The following CFDP1 variants were observed in gnomAD, a reference collection of about 807,000 sequenced individuals.
CFDP1 encodes heterochromatin-stabilizing protein CFDP1.
Under a neutral mutation model 40.1 loss-of-function variants are expected in CFDP1, and 31 were observed. The ratio of observed to expected loss-of-function variants is 0.77; its 90% CI spans 0.58 to 1.04. The LOEUF (loss-of-function observed/expected upper bound fraction) is 1.04, where lower values mean the gene tolerates loss of function less well. CFDP1 is among the 50% of genes least tolerant of loss of function. CFDP1 has a pLI of 0.00. For missense variants in CFDP1, 423 were observed against 343.4 expected, an observed-to-expected ratio of 1.23 and a Z score of -1.83; for synonymous variants, 167 against 120.0, an observed-to-expected ratio of 1.39 and a Z score of -2.56.
intron 5 of CFDP1, among the ~76,000 whole-genome samples, chr16:75,317,940 A>ACC (rs145502505): frequency 6.6e-6 from 1 of 151,432 alleles, no homozygotes; most frequent in Non-Finnish European, 1.5e-5. Flanking sequence ...GTGAGACCCC[A>ACC]CCCCCCATCT....
chr16:75,358,328 T>C (rs78970274), intron 5 of CFDP1, among the ~76,000 whole-genome samples: 78 of 152,298 alleles, frequency 5.1e-4, no homozygotes, highest in African/African-American at 1.8e-3. Flanking sequence ...GAGGCATGCC[T>C]ACATATAGGA....
intron 5 of CFDP1, among the ~76,000 whole-genome samples, chr16:75,390,377 T>C (rs998304303): frequency 1.3e-5 from 2 of 152,248 alleles, no homozygotes; most frequent in Admixed American, 1.3e-4. Context: ...GAAAGAATTC[T>C]GTGCTAAGTC....
At chr16:75,431,721 G>A (rs1370770296) in intron 1 of CFDP1, among the ~76,000 whole-genome samples, 2 of 152,150 alleles carry the variant, frequency 1.3e-5, no homozygotes, top group South Asian at 2.1e-4. Context: ...GGGAGGCCCC[G>A]AAGGTGGAAG....
intron 5 of CFDP1, among the ~76,000 whole-genome samples, chr16:75,320,266 G>A (rs1005264319): frequency 6.6e-6 from 1 of 152,130 alleles, no homozygotes; most frequent in Non-Finnish European, 1.5e-5. Flanking sequence ...CCCCCTCGGA[G>A]CATGCGCTTT....
intron 5 of CFDP1, among the ~76,000 whole-genome samples, chr16:75,355,054 T>A (rs927780137): frequency 1.3e-5 from 2 of 152,226 alleles, no homozygotes; most frequent in African/African-American, 4.8e-5. Flanking sequence ...GTCTATTAAG[T>A]GTGTAATAGC....
chr16:75,383,998 G>A (rs570200892), intron 5 of CFDP1, among the ~76,000 whole-genome samples: 14 of 152,118 alleles, frequency 9.2e-5, no homozygotes, highest in African/African-American at 3.1e-4. Flanking sequence ...TATTCATTCC[G>A]TAACATTTGA....
chr16:75,301,536 CTTTTTTTTTTTT>C (rs546724752), intron 6 of CFDP1, among the ~76,000 whole-genome samples: 21 of 53,964 alleles, frequency 3.9e-4, no homozygotes, highest in East Asian at 7.8e-4. Context: ...TTTGTTGTGT[CTTTTTTTTTTTT>C]TTTTTTTTTT....
At chr16:75,431,454 CAAA>C (rs60902612) in intron 1 of CFDP1, among the ~76,000 whole-genome samples, 10 of 59,594 alleles carry the variant, frequency 1.7e-4, no homozygotes, top group Admixed American at 2.8e-4. Flanking sequence ...ACTCTTGTCT[CAAA>C]AAAAAAAAAA....
chr16:75,304,448 G>A (rs1165804115), intron 6 of CFDP1, among the ~76,000 whole-genome samples: 3 of 152,174 alleles, frequency 2.0e-5, no homozygotes, highest in East Asian at 1.9e-4. Flanking sequence ...AACTGAATAC[G>A]TAGGTTATGA....
At position 75,314,894 on chromosome 16, in the gene CFDP1, G is replaced by A. The variant is rs369526258; in HGVS notation, c.651-9712C>T. 1.6e-4 allele frequency among the ~76,000 whole-genome samples: 25 copies of A among 152,148 alleles called. No individual in the cohort carries two copies. The East Asian group carries it at 4.4e-3, about 27-fold the overall frequency. On this transcript the variant is annotated intron_variant, in intron 5 of 6. Transcript: ENST00000283882. ...AGCCTCCCACATAGCTGGGATTACC[G>A]GCACCTGCCACCACACCTGGCTAAC... is the stretch of plus-strand genomic sequence containing the variant.
At chr16:75,296,977 G>C (rs898875533) in intron 6 of CFDP1, among the ~76,000 whole-genome samples, 3 of 151,142 alleles carry the variant, frequency 2.0e-5, no homozygotes, top group African/African-American at 7.3e-5. Flanking sequence ...TGTGACTTTG[G>C]GCAAGATACT....
chr16:75,431,403 G>A (rs1481419213), intron 1 of CFDP1, among the ~76,000 whole-genome samples: 1 of 126,114 alleles, frequency 7.9e-6, no homozygotes, highest in African/African-American at 2.9e-5. Context: ...GCAGTGAGAC[G>A]AGATCCCGCT....
At position 75,315,233 on chromosome 16, in the gene CFDP1, G is replaced by A. The variant is rs1282494410; in HGVS notation, c.651-10051C>T. Among the ~76,000 whole-genome samples, 4 of 150,534 alleles carry A rather than the reference G, an allele frequency of 2.7e-5. No individual in the cohort carries two copies. In the Admixed American group the frequency reaches 2.7e-4, roughly 10 times the overall value. ...CTGTAGTCCCAGCTACTTGGGGGCT[G>A]AGGTGGGAGGTTTGCTTGAGAACGG... On this transcript the variant is annotated intron_variant, in intron 5 of 6. Transcript: ENST00000283882.
intron 4 of CFDP1, among the ~76,000 whole-genome samples, chr16:75,397,028 C>T (rs1485317407): frequency 6.6e-6 from 1 of 152,034 alleles, no homozygotes; most frequent in African/African-American, 2.4e-5. Context: ...ATTCTCCTGC[C>T]TCAGCCTCCC....
At chr16:75,327,224 G>A (rs566246939) in intron 5 of CFDP1, among the ~76,000 whole-genome samples, 2 of 152,244 alleles carry the variant, frequency 1.3e-5, no homozygotes, top group South Asian at 4.2e-4. Flanking sequence ...CCAAGATAGA[G>A]CCACTGCACT....
chr16:75,324,794 G>C (rs1214951129), intron 5 of CFDP1: 3 of 151,906 alleles, frequency 2.0e-5, no homozygotes, highest in Non-Finnish European at 4.4e-5. Flanking sequence ...GTGGAGCTGG[G>C]ACTCAGAAGT....
intron 5 of CFDP1, among the ~76,000 whole-genome samples, chr16:75,361,099 TC>T (rs1369708884): frequency 6.6e-6 from 1 of 152,112 alleles, no homozygotes; most frequent in Non-Finnish European, 1.5e-5. Flanking sequence ...AACCTCCACC[TC>T]CTGGGTTCAA....
At chr16:75,339,539 G>A (rs1019807014) in intron 5 of CFDP1, among the ~76,000 whole-genome samples, 5 of 152,120 alleles carry the variant, frequency 3.3e-5, no homozygotes, top group East Asian at 3.9e-4. Context: ...CTAGATCCTC[G>A]GTGTGTAAAT....
At chr16:75,332,090 C>T (rs185812056) in intron 5 of CFDP1, among the ~76,000 whole-genome samples, 10 of 152,294 alleles carry the variant, frequency 6.6e-5, no homozygotes, top group Non-Finnish European at 4.4e-5. Flanking sequence ...TTTTCATGCG[C>T]TTCTATCTTC....
Sources: gnomAD v4.1 joint callset for allele counts (sites outside exome capture counted in the v4.1 genomes callset) on GRCh38, gnomAD v4.1.1 for gene constraint, MANE v1.5 for transcripts, NCBI Gene and HGNC (gene_info 2026-07-23, HGNC 2026-07-21) for gene names.